Variants in ZNF618 observed in about 807,000 individuals in gnomAD.
ZNF618 encodes neural precursor cell expressed, developmentally down-regulated 10.
Under a neutral mutation model 103.0 loss-of-function variants are expected in ZNF618, and 34 were observed. That is an observed-to-expected ratio of 0.33 (90% CI 0.25 to 0.44). The LOEUF (loss-of-function observed/expected upper bound fraction) is 0.44. Ranked by LOEUF, ZNF618 falls within the 20% of genes least tolerant of loss-of-function variation. The pLI, the probability that ZNF618 is intolerant of heterozygous loss-of-function variation, is 1.00. For missense variants in ZNF618, 1,059 were observed against 1,295.4 expected (o/e 0.82, Z 2.80); for synonymous variants, 551 against 542.2 (o/e 1.02, Z -0.23).
intron 1 of ZNF618, among the ~76,000 whole-genome samples, chr9:113,930,223 A>G (rs945261581): frequency 1.3e-5 from 2 of 152,228 alleles, no homozygotes; most frequent in African/African-American, 4.8e-5. Context: ...ATGTATGTCA[A>G]GGTTACCTTT....
intron 2 of ZNF618, among the ~76,000 whole-genome samples, chr9:113,983,592 G>A (rs1839169351): frequency 6.6e-6 from 1 of 151,850 alleles, no homozygotes; most frequent in Non-Finnish European, 1.5e-5. Context: ...TGTGAACTCT[G>A]ATTTGTTTGG....
At chr9:113,952,880 A>G (rs1046915726) in intron 1 of ZNF618, among the ~76,000 whole-genome samples, 3 of 152,232 alleles carry the variant, frequency 2.0e-5, no homozygotes, top group African/African-American at 7.2e-5. Flanking sequence ...TAAAACAGCA[A>G]GGCACATCTC....
chr9:113,939,689 ATTT>A (rs1834377834), intron 1 of ZNF618, among the ~76,000 whole-genome samples: 1 of 151,776 alleles, frequency 6.6e-6, no homozygotes, highest in Admixed American at 6.6e-5. Flanking sequence ...ATTTTGGGTA[ATTT>A]TTATTATTTA....
intron 2 of ZNF618, among the ~76,000 whole-genome samples, chr9:113,974,970 T>G (rs1177735453): frequency 1.3e-5 from 2 of 152,224 alleles, no homozygotes; most frequent in Non-Finnish European, 2.9e-5. Context: ...GTGTTGTCAA[T>G]GACGATTAGG....
At chr9:113,934,724 A>G (rs1230099209) in intron 1 of ZNF618, among the ~76,000 whole-genome samples, 1 of 152,190 alleles carries the variant, frequency 6.6e-6, no homozygotes, top group Non-Finnish European at 1.5e-5. Context: ...GCACATCGTG[A>G]AGAAACAGCT....
chr9:113,971,066 C>G, intron 2 of ZNF618, among the ~76,000 whole-genome samples: 1 of 150,580 alleles, frequency 6.6e-6, no homozygotes, highest in South Asian at 2.2e-4. Flanking sequence ...GGGGGTGACC[C>G]AAGTAGCCAG....
chr9:113,919,914 C>A (rs1832482169), intron 1 of ZNF618, among the ~76,000 whole-genome samples: 1 of 152,266 alleles, frequency 6.6e-6, no homozygotes, highest in South Asian at 2.1e-4. Context: ...CTTCGCGTCA[C>A]CCCAGGCTCA....
At chr9:113,879,380 G>GTTTTT (rs1333621442) in intron 1 of ZNF618, among the ~76,000 whole-genome samples, 1 of 93,036 alleles carries the variant, frequency 1.1e-5, no homozygotes, top group Non-Finnish European at 2.3e-5. Context: ...TTGTAGAACT[G>GTTTTT]TTTTTTTTTT....
intron 1 of ZNF618, among the ~76,000 whole-genome samples, chr9:113,916,322 G>A (rs980710769): frequency 2.4e-4 from 36 of 152,134 alleles, no homozygotes; most frequent in Admixed American, 3.3e-4. Context: ...AGCCTGGACC[G>A]GTGGATTCCG....
At chr9:113,979,786 G>A (rs188524939) in intron 2 of ZNF618, among the ~76,000 whole-genome samples, 8 of 152,326 alleles carry the variant, frequency 5.3e-5, no homozygotes, top group East Asian at 1.9e-4. Flanking sequence ...TCTAGCTCAC[G>A]TTCTAGTTGA....
Position 114,047,879 on chromosome 9 carries a change from C to T in ZNF618, c.1247-14C>T. 3 of 1,586,802 alleles carry T rather than the reference C, an allele frequency of 1.9e-6. No homozygotes were observed. Among genetic ancestry groups the T allele is most frequent in the Non-Finnish European group, 1.7e-6 (2 of 1,166,426 alleles). ...ACCCTTCCAGGTAACACACTGTCCC[C>T]TTTGTGCCCACAGCTGACAATGAAA... On this transcript the variant is annotated splice_polypyrimidine_tract_variant and intron_variant, in intron 13 of 14. Transcript: ENST00000374126.
intron 14 of ZNF618, 99 bp from the exon 15 acceptor site, chr9:114,048,552 C>A: frequency 7.9e-7 from 1 of 1,269,322 alleles, no homozygotes; most frequent in Non-Finnish European, 1.1e-6. Flanking sequence ...AATATATTTG[C>A]CATTCCCAAT....
At position 114,050,773 on chromosome 9, in the gene ZNF618, A is replaced by C. The variant is rs2134726799; in HGVS notation, c.*606A>C. ...TCCTGATCCCATTGTGCACCCCCCCACACACTCGGCTGCTCTGCTGTGGAC... is the reference window on the plus strand; with the variant it reads ...TCCTGATCCCATTGTGCACCCCCCCCCACACTCGGCTGCTCTGCTGTGGAC... On this transcript the variant is annotated 3_prime_UTR_variant, in exon 15 of 15. Transcript: ENST00000374126. The C allele has an allele frequency of 6.5e-6, 1 of 152,830 alleles. No homozygotes were observed. The highest frequency in any genetic ancestry group is 2.4e-5 in the African/African-American group (1 of 41,416). 9.5% of individuals were successfully genotyped at this position (152,830 alleles called of 1,614,324 possible).
At chr9:114,035,080 C>T in intron 12 of ZNF618, 1 of 754,380 alleles carries the variant, frequency 1.3e-6, no homozygotes, top group Middle Eastern at 6.8e-4. Flanking sequence ...GGATGCTCCC[C>T]ACTCCTCTGA....
At position 114,053,756 on chromosome 9, in the gene ZNF618, C is replaced by A. The variant is rs979301819; in HGVS notation, c.*3589C>A. Reference sequence around the variant, plus strand: ...ACTTCCCGATTCCTGGCTCAGCCAGCCAGGCCTCCCTCTAATGGCATTTAG... The same window carrying A: ...ACTTCCCGATTCCTGGCTCAGCCAGACAGGCCTCCCTCTAATGGCATTTAG... On this transcript the variant is annotated 3_prime_UTR_variant, in exon 15 of 15. Coordinates refer to ENST00000374126, the MANE Select transcript of ZNF618 (RefSeq NM_001318042.2). 6.6e-6 allele frequency: 1 copy of A among 152,246 alleles called. No homozygotes were observed. The highest frequency in any genetic ancestry group is 1.5e-5 in the Non-Finnish European group (1 of 68,100). The allele number at this position is 152,246 out of a possible 1,614,324, so 9.4% of individuals were successfully genotyped here. A position where few individuals can be genotyped will look rare whatever the true frequency, so the allele number is the denominator to read the frequency against.
In ZNF618 at chr9:114,030,080, T is replaced by A. The variant is rs1843873581; in HGVS notation, c.1084+1108T>A. On this transcript the variant is annotated intron_variant, in intron 11 of 14. Coordinates refer to ENST00000374126, the MANE Select transcript of ZNF618 (RefSeq NM_001318042.2). Reference sequence around the variant, plus strand: ...TTCTTAAATAAATAGATGATCAAGGTGAGAACTCAGGTAAAGGATCCACTT... The same window carrying A: ...TTCTTAAATAAATAGATGATCAAGGAGAGAACTCAGGTAAAGGATCCACTT... Among the ~76,000 whole-genome samples, 5 of 152,256 alleles carry A rather than the reference T, an allele frequency of 3.3e-5. No homozygotes were observed. In the South Asian group the frequency reaches 1.0e-3, roughly 32 times the overall value.
chr9:114,033,497 C>T (rs753051282), intron 12 of ZNF618, among the ~76,000 whole-genome samples: 1 of 152,070 alleles, frequency 6.6e-6, no homozygotes, highest in Non-Finnish European at 1.5e-5. Context: ...CCCTTCCAGC[C>T]CCTACCTGCT....
At chr9:114,041,244 G>A (rs189680755) in intron 13 of ZNF618, among the ~76,000 whole-genome samples, 2,929 of 152,230 alleles carry the variant, frequency 0.019, 96 homozygotes, top group African/African-American at 0.067. Flanking sequence ...CGTCAGATGA[G>A]TAGATTGCAA....
At chr9:113,931,697 C>G (rs970610396) in intron 1 of ZNF618, among the ~76,000 whole-genome samples, 5 of 152,196 alleles carry the variant, frequency 3.3e-5, no homozygotes, top group Non-Finnish European at 7.3e-5. Flanking sequence ...ATACGTACCA[C>G]ATTCCGAAGA....
Sources: gnomAD v4.1 joint callset for allele counts (sites outside exome capture counted in the v4.1 genomes callset) on GRCh38, gnomAD v4.1.1 for gene constraint, MANE v1.5 for transcripts, NCBI Gene and HGNC (gene_info 2026-07-23, HGNC 2026-07-21) for gene names.